Variants in KRT18 observed in about 807,000 individuals in gnomAD.
The protein encoded by KRT18 is keratin 18.
Under a neutral mutation model 39.9 loss-of-function variants are expected in KRT18, and 8 were observed. That is an observed-to-expected ratio of 0.20 (90% CI 0.12 to 0.36). The LOEUF (loss-of-function observed/expected upper bound fraction) is 0.36, where lower values mean the gene tolerates loss of function less well. Among genes scored for constraint, KRT18 ranks in the 10% least tolerant of loss-of-function variants. The pLI is 1.00. For missense variants in KRT18, 396 were observed against 565.7 expected (o/e 0.70, Z 3.04); for synonymous variants, 194 against 227.8 (o/e 0.85, Z 1.33).
At chr12:52,950,470 C>G in intron 2 of KRT18, 60 bp downstream of exon 2, 1 of 1,265,668 alleles carries the variant, frequency 7.9e-7, no homozygotes, top group South Asian at 1.2e-5. Context: ...GATCTGCTCC[C>G]CAGGCTGGGT....
intron 1 of KRT18, chr12:52,949,810 G>C (rs781160175): frequency 1.4e-6 from 1 of 707,266 alleles, no homozygotes; most frequent in South Asian, 1.5e-5. Flanking sequence ...AAGGGGACAG[G>C]GTTGAGAGCT....
Position 52,952,731 on chromosome 12 carries a change from T to C in KRT18, c.1182T>C (p.Asp394=), listed in dbSNP as rs1159551009. The C allele has an allele frequency of 1.2e-6, 2 of 1,612,724 alleles. No homozygotes were observed. Among genetic ancestry groups the C allele is most frequent in the African/African-American group, 2.7e-5 (2 of 74,888 alleles). ...LEDGEDFNLG[D]ALDSSNSMQT... ...TGGTCTTCTGTTACAGTCTTGGTGA[T>C]GCCTTGGACAGCAGCAACTCCATGC... The change falls in exon 7 of 7, where the codon GAT becomes GAC. Residue 394 remains aspartate, a synonymous_variant. Transcript: ENST00000388835.
intron 1 of KRT18, 67 bp downstream of exon 1, chr12:52,949,657 C>G: frequency 1.4e-6 from 2 of 1,414,830 alleles, no homozygotes; most frequent in Non-Finnish European, 2.0e-6. Context: ...TCCTTTGCCT[C>G]TTTCCGTCAT....
chr12:52,949,044 G>A (rs940645676), upstream of KRT18: 2 of 877,024 alleles, frequency 2.3e-6, no homozygotes, highest in African/African-American at 1.7e-5. Flanking sequence ...CTGTGGCTCC[G>A]GCTTCCGAAG....
At chr12:52,951,961 CAGAA>C (rs774474556) in intron 5 of KRT18, 105 bp downstream of exon 5, 90 of 1,441,050 alleles carry the variant, frequency 6.2e-5, no homozygotes, top group Non-Finnish European at 8.2e-5. Flanking sequence ...TCCTTTAGCT[CAGAA>C]AGAGTCAGTT....
intron 1 of KRT18, 185 bp downstream of exon 1, chr12:52,949,775 G>C: frequency 1.4e-6 from 1 of 717,636 alleles, no homozygotes. Context: ...AGGCATGGGA[G>C]GGCTCTTTCC....
chr12:52,952,188 G>C lies in KRT18; in HGVS notation c.1018G>C (p.Gly340Arg). ...RYALQMEQLN[G>R]ILLHLESELA... is the part of the protein sequence containing the mutation. The stretch of plus-strand genomic sequence containing the variant: ...CGCCCTACAGATGGAGCAGCTCAAC[G>C]GGATCCTGCTGCACCTTGAGTCAGA... The change falls in exon 6 of 7, where the codon GGG becomes CGG. Residue 340 changes from glycine (G) to arginine (R), a missense_variant. By Grantham distance (125) the Gly-to-Arg change is moderately radical (BLOSUM62 -2). Coordinates refer to ENST00000388835, the MANE Select transcript of KRT18 (RefSeq NM_000224.3). The C allele has an allele frequency of 2.5e-6, 4 of 1,588,766 alleles. No homozygotes were observed. Among genetic ancestry groups the C allele is most frequent in the Non-Finnish European group, 3.4e-6 (4 of 1,167,904 alleles).
In KRT18 at chr12:52,952,148, G is replaced by A. The variant is rs1942501411; in HGVS notation, c.978G>A (p.Glu326=). 6.4e-7 allele frequency: 1 copy of A among 1,568,356 alleles called. No individual in the cohort carries two copies. Among genetic ancestry groups the A allele is most frequent in the African/African-American group, 1.3e-5 (1 of 74,132 alleles). ...LKASLENSLR[E]VEARYALQME... Reference sequence around the variant, plus strand: ...CCAGCTTGGAGAACAGCCTGAGGGAGGTGGAGGCCCGCTACGCCCTACAGA... The same window carrying A: ...CCAGCTTGGAGAACAGCCTGAGGGAAGTGGAGGCCCGCTACGCCCTACAGA... The change falls in exon 6 of 7, where the codon GAG becomes GAA. Residue 326 remains glutamate, a synonymous_variant. Coordinates refer to ENST00000388835, the MANE Select transcript of KRT18 (RefSeq NM_000224.3).
chr12:52,948,957 G>T, upstream of KRT18: 1 of 459,002 alleles, frequency 2.2e-6, no homozygotes, highest in South Asian at 5.4e-5. Context: ...GGCTTGGCAG[G>T]GCTGCGCGGA....
At chr12:52,950,277 C>A in intron 1 of KRT18, 51 bp from the exon 2 acceptor site, 1 of 1,305,634 alleles carries the variant, frequency 7.7e-7, no homozygotes, top group Non-Finnish European at 1.1e-6. Flanking sequence ...CTCACCCCAC[C>A]CATCCCTGGC....
chr12:52,952,077 G>A, intron 5 of KRT18, 42 bp from the exon 6 acceptor site: 1 of 1,472,984 alleles, frequency 6.8e-7, no homozygotes, highest in Non-Finnish European at 9.3e-7. Context: ...GCAGTCCTGG[G>A]ACTCTGGGCT....
intron 1 of KRT18, chr12:52,950,049 G>A (rs1942452420): frequency 6.5e-6 from 4 of 611,050 alleles, no homozygotes; most frequent in South Asian, 3.9e-5. Flanking sequence ...GGGCCAGGAA[G>A]AGGACTTGTT....
chr12:52,951,838 G>A lies in KRT18; in HGVS notation c.930G>A (p.Leu310=). Residue 310 remains leucine, a synonymous_variant, in exon 5 of 7, where the codon CTG becomes CTA. Coordinates refer to ENST00000388835, the MANE Select transcript of KRT18 (RefSeq NM_000224.3). Reference sequence around the variant, plus strand: ...CAGTCCAGTCCTTGGAGATCGACCTGGACTCCATGAGAAATCTGGTGAGTG... The same window carrying A: ...CAGTCCAGTCCTTGGAGATCGACCTAGACTCCATGAGAAATCTGGTGAGTG... ...RRTVQSLEID[L]DSMRNLKASL... 1.2e-6 allele frequency: 2 copies of A among 1,606,894 alleles called. No homozygotes were observed. The highest frequency in any genetic ancestry group is 1.7e-5 in the Admixed American group (1 of 60,004).
rs747053055 is a variant in KRT18 at position 52,952,319 on chromosome 12, G to A, written c.1149G>A (p.Leu383=). The part of the protein sequence containing the change: ...LEAEIATYRR[L]LEDGEDFNLG... ...CTGAGATCGCCACCTACCGCCGCCT[G>A]CTGGAAGATGGCGAGGACTTTAAGT... The change falls in exon 6 of 7, where the codon CTG becomes CTA. Residue 383 remains leucine, a synonymous_variant. Coordinates refer to ENST00000388835, the MANE Select transcript of KRT18 (RefSeq NM_000224.3). 2.5e-6 allele frequency: 4 copies of A among 1,604,498 alleles called. No homozygotes were observed. In the East Asian group the frequency reaches 8.9e-5, roughly 36 times the overall value.
At chr12:52,950,078 G>A (rs1163106597) in intron 1 of KRT18, 9 of 629,466 alleles carry the variant, frequency 1.4e-5, no homozygotes, top group Non-Finnish European at 2.5e-5. Flanking sequence ...CTCACTTCTG[G>A]GCAGGCAGGC....
At chr12:52,950,271 C>T in intron 1 of KRT18, 57 bp from the exon 2 acceptor site, 1 of 1,253,750 alleles carries the variant, frequency 8.0e-7, no homozygotes, top group Non-Finnish European at 1.2e-6. Context: ...TACACACTCA[C>T]CCCACCCATC....
intron 5 of KRT18, 71 bp downstream of exon 5, chr12:52,951,927 A>C: frequency 6.4e-7 from 1 of 1,574,676 alleles, no homozygotes. Flanking sequence ...TCTCAACCCA[A>C]ATCCTATCCC....
intron 2 of KRT18, 165 bp downstream of exon 2, chr12:52,950,575 C>T (rs1215526175): frequency 8.1e-5 from 66 of 816,502 alleles, no homozygotes; most frequent in Non-Finnish European, 1.3e-4. Flanking sequence ...TGTATAACCC[C>T]GTTTAAGAAT....
intron 2 of KRT18, 80 bp downstream of exon 2, chr12:52,950,490 G>A: frequency 2.0e-6 from 2 of 1,016,620 alleles, no homozygotes; most frequent in African/African-American, 1.6e-5. Context: ...TCAGTTAGGG[G>A]CTCACAGTGG....
Sources: allele counts gnomAD v4.1 joint callset, GRCh38; gene constraint gnomAD v4.1.1; transcripts MANE v1.5; gene names NCBI Gene and HGNC (gene_info 2026-07-23, HGNC 2026-07-21).